Variants in HDAC9 observed in about 807,000 individuals in gnomAD.
HDAC9 encodes histone deacetylase 9.
In HDAC9, 41 loss-of-function variants were observed where a neutral mutation model predicts 139.4. That is an observed-to-expected ratio of 0.29 (90% confidence interval 0.23 to 0.38). The LOEUF is 0.38. HDAC9 is among the 10% of genes least tolerant of loss of function. The pLI, the probability that HDAC9 is intolerant of heterozygous loss-of-function variation, is 1.00. For synonymous variants in HDAC9, 517 were observed against 476.2 expected, an observed-to-expected ratio of 1.09 and a Z score of -1.12; for missense variants, 1,147 against 1,297.0, an observed-to-expected ratio of 0.88 and a Z score of 1.78.
chr7:18,257,082 C>G (rs931354599), intron 2 of HDAC9, among the ~76,000 whole-genome samples: 13 of 150,932 alleles, frequency 8.6e-5, no homozygotes, highest in South Asian at 2.1e-4. Context: ...GAGTGAGACC[C>G]TGTCTCAAAT....
intron 2 of HDAC9, among the ~76,000 whole-genome samples, chr7:18,527,287 T>C (rs544400641): frequency 6.6e-6 from 1 of 152,286 alleles, no homozygotes; most frequent in African/African-American, 2.4e-5. Context: ...TGCATGTCTT[T>C]TGGATAATTT....
At chr7:18,871,376 T>C (rs1438827358) in intron 21 of HDAC9, among the ~76,000 whole-genome samples, 1 of 152,162 alleles carries the variant, frequency 6.6e-6, no homozygotes, top group Non-Finnish European at 1.5e-5. Context: ...TCTGGGTCCT[T>C]TTATTGGAAA....
chr7:18,298,979 G>C (rs1435824599), intron 1 of HDAC9, among the ~76,000 whole-genome samples: 1 of 152,064 alleles, frequency 6.6e-6, no homozygotes, highest in East Asian at 1.9e-4. Flanking sequence ...GATTCAAAAT[G>C]ATGAGTTAGA....
intron 8 of HDAC9, among the ~76,000 whole-genome samples, chr7:18,636,959 G>C (rs1200048632): frequency 6.6e-6 from 1 of 151,934 alleles, no homozygotes; most frequent in Non-Finnish European, 1.5e-5. Context: ...AACAGCAAAG[G>C]ATCTGGGTTC....
intron 1 of HDAC9, among the ~76,000 whole-genome samples, chr7:18,398,722 T>A (rs549043101): frequency 6.6e-6 from 1 of 152,270 alleles, no homozygotes; most frequent in Admixed American, 6.5e-5. Flanking sequence ...GATGCATTTT[T>A]AAAAAGAATG....
At chr7:18,700,619 C>T (rs553697241) in intron 12 of HDAC9, among the ~76,000 whole-genome samples, 5 of 152,288 alleles carry the variant, frequency 3.3e-5, no homozygotes, top group African/African-American at 7.2e-5. Context: ...ACAATAAACA[C>T]GCATTATTAC....
chr7:18,140,341 A>AT (rs2128109234), intron 1 of HDAC9, among the ~76,000 whole-genome samples: 1 of 152,206 alleles, frequency 6.6e-6, no homozygotes, highest in African/African-American at 2.4e-5. Context: ...ATATTGTTGT[A>AT]TTTTTTAAAG....
intron 2 of HDAC9, among the ~76,000 whole-genome samples, chr7:18,180,117 T>C (rs1314372063): frequency 1.2e-4 from 19 of 152,080 alleles, no homozygotes; most frequent in Admixed American, 1.2e-3. Flanking sequence ...CTCCTTACTT[T>C]ATCCTACCCC....
chr7:18,677,737 T>C (rs990630968), intron 12 of HDAC9, among the ~76,000 whole-genome samples: 3 of 151,968 alleles, frequency 2.0e-5, no homozygotes, highest in African/African-American at 7.2e-5. Flanking sequence ...TATCAAATTA[T>C]ATATTTTGGA....
intron 21 of HDAC9, among the ~76,000 whole-genome samples, chr7:18,844,509 C>A (rs1206673514): frequency 6.6e-6 from 1 of 152,208 alleles, no homozygotes; most frequent in Admixed American, 6.5e-5. Flanking sequence ...TACACATTAT[C>A]TTTCCCATTA....
intron 2 of HDAC9, among the ~76,000 whole-genome samples, chr7:18,519,293 G>GA (rs1188483344): frequency 6.6e-6 from 1 of 152,078 alleles, no homozygotes; most frequent in East Asian, 1.9e-4. Flanking sequence ...TTCGTAGTCA[G>GA]AAACAAATTA....
chr7:18,300,396 C>A (rs990533350), intron 1 of HDAC9, among the ~76,000 whole-genome samples: 4 of 151,946 alleles, frequency 2.6e-5, no homozygotes, highest in Non-Finnish European at 5.9e-5. Context: ...TTCTTCTATA[C>A]ATGTCAGGTT....
chr7:18,696,335 C>T (rs1783040282), intron 12 of HDAC9, among the ~76,000 whole-genome samples: 1 of 148,010 alleles, frequency 6.8e-6, no homozygotes, highest in African/African-American at 2.5e-5. Context: ...TAATTATATA[C>T]TTGTATATAT....
At chr7:18,359,809 A>G (rs1562915714) in intron 1 of HDAC9, among the ~76,000 whole-genome samples, 2 of 152,132 alleles carry the variant, frequency 1.3e-5, no homozygotes, top group Admixed American at 6.5e-5. Flanking sequence ...GGGTTTCACC[A>G]TGTTGGGCAG....
At chr7:18,649,610 A>G (rs1788611167) in intron 11 of HDAC9, among the ~76,000 whole-genome samples, 3 of 152,188 alleles carry the variant, frequency 2.0e-5, no homozygotes, top group Admixed American at 2.0e-4. Flanking sequence ...TTGTTGTACT[A>G]TGATGTAAGA....
At chr7:18,609,996 T>C (rs1836663098) in intron 6 of HDAC9, among the ~76,000 whole-genome samples, 1 of 152,144 alleles carries the variant, frequency 6.6e-6, no homozygotes, top group Admixed American at 6.5e-5. Flanking sequence ...AGTGTGGCGA[T>C]TCCTCAAGGA....
At chr7:18,540,401 C>T (rs1189867325) in intron 2 of HDAC9, among the ~76,000 whole-genome samples, 1 of 151,876 alleles carries the variant, frequency 6.6e-6, no homozygotes, top group African/African-American at 2.4e-5. Flanking sequence ...TTTATTCTTT[C>T]CTTTAACAAA....
chr7:19,000,203 C>T lies in HDAC9; in HGVS notation c.*4141C>T, dbSNP rs1786684036. On this transcript the variant is annotated 3_prime_UTR_variant, in exon 26 of 26. Coordinates refer to ENST00000686413, the MANE Select transcript of HDAC9 (RefSeq NM_178425.4). ...TCATCAAATTTCTTGTTTCCAAAGG[C>T]CACTATTGTAGTACAGTCTCCAGCA... 1.3e-5 allele frequency: 2 copies of T among 152,190 alleles called. No homozygotes were observed. The highest frequency in any genetic ancestry group is 6.5e-5 in the Admixed American group (1 of 15,274). The allele number at this position is 152,190 out of a possible 1,614,324, so 9.4% of individuals were successfully genotyped here. A position where few individuals can be genotyped will look rare whatever the true frequency, so the allele number is the denominator to read the frequency against.
chr7:18,861,422 T>G lies in HDAC9; in HGVS notation c.2685-13056T>G, dbSNP rs142110076. Among the ~76,000 whole-genome samples, 18 of 152,302 alleles carry G rather than the reference T, an allele frequency of 1.2e-4. No individual in the cohort carries two copies. The East Asian group carries it at 3.5e-3, about 29-fold the overall frequency. Reference sequence around the variant, plus strand: ...ATTAGATAAGAATCAGTTTATCTGTTTTGATAAACTAGCAATCTTACCATT... The same window carrying G: ...ATTAGATAAGAATCAGTTTATCTGTGTTGATAAACTAGCAATCTTACCATT... On this transcript the variant is annotated intron_variant, in intron 21 of 25. Transcript: ENST00000686413.
Sources: allele counts gnomAD v4.1 joint callset (sites outside exome capture counted in the v4.1 genomes callset), GRCh38; gene constraint gnomAD v4.1.1; transcripts MANE v1.5; gene names NCBI Gene and HGNC (gene_info 2026-07-23, HGNC 2026-07-21).